The following ZFHX3 variants were observed in gnomAD, a reference collection of about 807,000 sequenced individuals.
ZFHX3 encodes zinc finger homeobox protein 3.
A neutral mutation model predicts 279.1 loss-of-function variants in ZFHX3; 42 were observed. The observed-to-expected ratio is 0.15, with a 90% CI of 0.12 to 0.19. ZFHX3 has a LOEUF of 0.19. Ranked by LOEUF, ZFHX3 falls within the 10% of genes least tolerant of loss-of-function variation. ZFHX3 has a pLI of 1.00. For synonymous variants in ZFHX3, 2,293 were observed against 1,957.8 expected, an observed-to-expected ratio of 1.17 and a Z score of -4.52; for missense variants, 4,981 against 4,754.0, an observed-to-expected ratio of 1.05 and a Z score of -1.40.
rs766266415 is a variant in ZFHX3, at chr16:72,787,716, G to GCCA, written c.10557_10559dup (p.Gly3527dup). 35 of 1,371,900 alleles carry GCCA rather than the reference G, an allele frequency of 2.6e-5. No homozygotes were observed. The highest frequency in any genetic ancestry group is 3.0e-5 in the African/African-American group (2 of 66,332). The allele number at this position is 1,371,900 out of a possible 1,614,324, so 85.0% of individuals were successfully genotyped here. On this transcript the variant is annotated inframe_insertion, in exon 10 of 10. Transcript: ENST00000268489. ...ACGAGCCGCCGCCGCCGCCGCCGCCGCCACCGCCGCCGCCGCCGCCACTGC... is the reference window on the plus strand; with the variant it reads ...ACGAGCCGCCGCCGCCGCCGCCGCCGCCACCACCGCCGCCGCCGCCGCCACTGC...
At chr16:73,509,988 G>A (rs9938079) in intron 2 of ZFHX3, among the ~76,000 whole-genome samples, 3,529 of 152,228 alleles carry the variant, frequency 0.023, 134 homozygotes, top group African/African-American at 0.081. Flanking sequence ...GAGCCATCAC[G>A]CCCGGCCTTT....
chr16:73,105,346 TATATATACAC>T (rs1294054454), intron 7 of ZFHX3, among the ~76,000 whole-genome samples: 16 of 124,762 alleles, frequency 1.3e-4, no homozygotes, highest in African/African-American at 5.7e-4. Context: ...CGTGTGTATA[TATATATACAC>T]ATATATATAC....
intron 2 of ZFHX3, among the ~76,000 whole-genome samples, chr16:73,466,349 A>C (rs1022817360): frequency 6.6e-6 from 1 of 152,156 alleles, no homozygotes; most frequent in African/African-American, 2.4e-5. Flanking sequence ...TGGGCATGGT[A>C]GTACACACCT....
At chr16:72,881,860 C>T (rs904362415) in intron 4 of ZFHX3, among the ~76,000 whole-genome samples, 1 of 152,238 alleles carries the variant, frequency 6.6e-6, no homozygotes, top group African/African-American at 2.4e-5. Context: ...CACCCACTGA[C>T]TGGCTAGCTA....
At chr16:73,807,319 CCTTTCTTCCTTG>C (rs1232498618) in intron 1 of ZFHX3, among the ~76,000 whole-genome samples, 1 of 152,176 alleles carries the variant, frequency 6.6e-6, no homozygotes, top group Non-Finnish European at 1.5e-5. Flanking sequence ...CTTCTTCCCT[CCTTTCTTCCTTG>C]CTTTCTTCCT....
At chr16:73,041,740 C>T (rs775176589) in intron 1 of ZFHX3, among the ~76,000 whole-genome samples, 6 of 152,188 alleles carry the variant, frequency 3.9e-5, no homozygotes, top group Middle Eastern at 3.4e-3. Flanking sequence ...GACACTTTAA[C>T]GCTGATGCAG....
At chr16:73,254,160 G>C (rs1229002542) in intron 5 of ZFHX3, among the ~76,000 whole-genome samples, 1 of 152,128 alleles carries the variant, frequency 6.6e-6, no homozygotes, top group Non-Finnish European at 1.5e-5. Context: ...AACAGGCAAT[G>C]GTTGCTTGGG....
intron 3 of ZFHX3, among the ~76,000 whole-genome samples, chr16:73,357,516 T>A (rs915534700): frequency 2.6e-5 from 4 of 152,072 alleles, no homozygotes; most frequent in African/African-American, 9.7e-5. Context: ...AGAAAGACCC[T>A]GTTGGAGGCA....
At chr16:73,714,235 C>A (rs967055244) in intron 1 of ZFHX3, among the ~76,000 whole-genome samples, 1 of 152,080 alleles carries the variant, frequency 6.6e-6, no homozygotes, top group African/African-American at 2.4e-5. Flanking sequence ...ACATTAGGAT[C>A]CTGGGCTTAT....
intron 7 of ZFHX3, among the ~76,000 whole-genome samples, chr16:73,094,358 C>T (rs570996009): frequency 6.6e-6 from 1 of 152,322 alleles, no homozygotes; most frequent in Admixed American, 6.5e-5. Context: ...TAAACCTTCT[C>T]TTCATAACAG....
At chr16:73,033,675 CAGG>C (rs1420374686) in intron 1 of ZFHX3, among the ~76,000 whole-genome samples, 1 of 152,122 alleles carries the variant, frequency 6.6e-6, no homozygotes, top group Non-Finnish European at 1.5e-5. Context: ...TCCTGCCTGC[CAGG>C]AGGCCAGCCT....
intron 3 of ZFHX3, among the ~76,000 whole-genome samples, chr16:73,418,328 C>T (rs564581746): frequency 9.0e-5 from 13 of 144,886 alleles, no homozygotes; most frequent in South Asian, 4.4e-4. Flanking sequence ...TTGGGGCAGC[C>T]GCCCTACAGG....
At chr16:73,793,976 T>C (rs1045467784) in intron 1 of ZFHX3, 1 of 152,142 alleles carries the variant, frequency 6.6e-6, no homozygotes, top group African/African-American at 2.4e-5. Flanking sequence ...GTGGAAAATT[T>C]TGACATCACA....
At chr16:73,592,654 T>G (rs756464209) in intron 2 of ZFHX3, among the ~76,000 whole-genome samples, 1 of 152,258 alleles carries the variant, frequency 6.6e-6, no homozygotes, top group Non-Finnish European at 1.5e-5. Flanking sequence ...TGTCAGTAAC[T>G]GTTGAATGTA....
intron 1 of ZFHX3, among the ~76,000 whole-genome samples, chr16:73,784,736 A>G (rs1959581045): frequency 6.6e-6 from 1 of 150,508 alleles, no homozygotes; most frequent in Non-Finnish European, 1.5e-5. Context: ...AAAGAGTAAG[A>G]CTATGTCTCA....
At chr16:73,120,521 A>G (rs1966483903) in intron 7 of ZFHX3, among the ~76,000 whole-genome samples, 1 of 151,864 alleles carries the variant, frequency 6.6e-6, no homozygotes, top group Admixed American at 6.6e-5. Context: ...TGATCCTTTC[A>G]CTTTGGTCTC....
chr16:73,143,644 T>A (rs1966853310), intron 6 of ZFHX3: 10 of 728,920 alleles, frequency 1.4e-5, no homozygotes. Flanking sequence ...CTTTGAACTG[T>A]TTGGTTTTGT....
Position 72,958,862 on chromosome 16 carries a change from G to C in ZFHX3, c.1284C>G (p.Thr428=). ...VPLGPLASSP[T]KSSEGKDSGA... is the part of the protein sequence containing the mutation. The stretch of plus-strand genomic sequence containing the variant: ...CAGAGTCCTTGCCCTCTGAGGATTT[G>C]GTAGGACTGGAAGCCAGAGGCCCCA... The change falls in exon 2 of 10, where the codon ACC becomes ACG. Residue 428 remains threonine (T), a synonymous_variant. Coordinates refer to ENST00000268489, the MANE Select transcript of ZFHX3 (RefSeq NM_006885.4). 6.2e-7 allele frequency: 1 copy of C among 1,613,516 alleles called. No homozygotes were observed. The highest frequency in any genetic ancestry group is 1.1e-5 in the South Asian group (1 of 90,964).
chr16:73,189,720 C>T (rs1300426155), intron 5 of ZFHX3, among the ~76,000 whole-genome samples: 1 of 152,218 alleles, frequency 6.6e-6, no homozygotes, highest in East Asian at 1.9e-4. Context: ...AAGGAGTTGT[C>T]TTGGGCATTC....
Sources: allele counts gnomAD v4.1 joint callset (sites outside exome capture counted in the v4.1 genomes callset), GRCh38; gene constraint gnomAD v4.1.1; transcripts MANE v1.5; gene names NCBI Gene and HGNC (gene_info 2026-07-23, HGNC 2026-07-21).